Variants in DNAJC6 observed in about 807,000 individuals in gnomAD.
DNAJC6 encodes the protein auxilin.
In DNAJC6, 34 loss-of-function variants were observed where a neutral mutation model predicts 110.0. The observed-to-expected ratio is 0.31, with a 90% CI of 0.24 to 0.41. DNAJC6 has a LOEUF of 0.41. DNAJC6 is among the 10% of genes least tolerant of loss of function. The pLI, the probability that DNAJC6 is intolerant of heterozygous loss-of-function variation, is 1.00. For missense variants in DNAJC6, 1,031 were observed against 1,207.8 expected, an observed-to-expected ratio of 0.85 and a Z score of 2.17; for synonymous variants, 406 against 437.2, an observed-to-expected ratio of 0.93 and a Z score of 0.89.
chr1:65,373,882 C>G (rs1243093364), intron 4 of DNAJC6, among the ~76,000 whole-genome samples: 2 of 152,100 alleles, frequency 1.3e-5, no homozygotes, highest in Admixed American at 6.6e-5. Context: ...GAACATTTCT[C>G]TAATGTTTTC....
At chr1:65,369,247 G>C (rs1258778883) in intron 4 of DNAJC6, among the ~76,000 whole-genome samples, 1 of 152,146 alleles carries the variant, frequency 6.6e-6, no homozygotes, top group Non-Finnish European at 1.5e-5. Flanking sequence ...ACCCTTAGTT[G>C]CATCTTAGGG....
chr1:65,392,951 G>A, intron 12 of DNAJC6, 86 bp downstream of exon 12: 1 of 1,276,406 alleles, frequency 7.8e-7, no homozygotes, highest in Non-Finnish European at 1.0e-6. Context: ...TTCCTAATAA[G>A]CTAGACTTTT....
intron 1 of DNAJC6, among the ~76,000 whole-genome samples, chr1:65,342,825 T>C (rs1570872): frequency 0.72 from 109,500 of 152,130 alleles, 40,874 homozygotes; most frequent in African/African-American, 0.93. Context: ...GGTTTCTTGA[T>C]GGATTCAATT....
At chr1:65,348,342 T>C (rs1645457326) in intron 1 of DNAJC6, among the ~76,000 whole-genome samples, 1 of 152,242 alleles carries the variant, frequency 6.6e-6, no homozygotes, top group African/African-American at 2.4e-5. Context: ...GTAGTATTGT[T>C]GTTCAAATGT....
intron 1 of DNAJC6, among the ~76,000 whole-genome samples, chr1:65,351,128 G>C (rs908965557): frequency 6.6e-6 from 1 of 152,080 alleles, no homozygotes; most frequent in African/African-American, 2.4e-5. Flanking sequence ...ACAGCTCAGG[G>C]GACCACTATT....
At chr1:65,308,693 A>C (rs1436372865), upstream of DNAJC6, among the ~76,000 whole-genome samples, 1 of 152,180 alleles carries the variant, frequency 6.6e-6, no homozygotes, top group Non-Finnish European at 1.5e-5. Context: ...AGGATGGGGA[A>C]AAAAAATCCT....
rs529136414 is a variant in DNAJC6 at position 65,384,035 on chromosome 1, A to C, written c.667-158A>C. 7 of 792,472 alleles carry C rather than the reference A, an allele frequency of 8.8e-6. No individual in the cohort carries two copies. The African/African-American group carries it at 1.2e-4, about 14-fold the overall frequency. The allele number at this position is 792,472 out of a possible 1,614,324, so 49.1% of individuals were successfully genotyped here. The stretch of plus-strand genomic sequence containing the variant: ...TGCCTTTGATTTAAAAAGCTGAAAC[A>C]AATTTTGGTTTTCAAGTGAATAATT... On this transcript the variant is annotated intron_variant, in intron 5 of 18. Transcript: ENST00000371069.
chr1:65,308,020 C>T (rs575441415), upstream of DNAJC6, among the ~76,000 whole-genome samples: 87 of 152,304 alleles, frequency 5.7e-4, 1 homozygote, highest in Non-Finnish European at 9.6e-4. Context: ...CTGGTTGATG[C>T]TCTTCCTACA....
chr1:65,365,859 A>C (rs532180720), intron 2 of DNAJC6, 26 bp from the exon 3 acceptor site: 1 of 1,609,686 alleles, frequency 6.2e-7, no homozygotes, highest in African/African-American at 1.3e-5. Flanking sequence ...CATTTTAATG[A>C]GTGCCCATTT....
intron 1 of DNAJC6, among the ~76,000 whole-genome samples, chr1:65,362,274 A>C (rs1645605292): frequency 6.6e-6 from 1 of 152,208 alleles, no homozygotes; most frequent in Non-Finnish European, 1.5e-5. Context: ...TGCTATGAGG[A>C]TTAAATGACT....
At chr1:65,279,069 G>C in intron 1 of DNAJC6, 1 of 985,426 alleles carries the variant, frequency 1.0e-6, no homozygotes, top group Non-Finnish European at 1.2e-6. Context: ...GACTGCATAT[G>C]CTGAGAAAAA....
intron 1 of DNAJC6, among the ~76,000 whole-genome samples, chr1:65,271,320 C>T (rs985998403): frequency 6.6e-6 from 1 of 152,032 alleles, no homozygotes; most frequent in Non-Finnish European, 1.5e-5. Context: ...TTATTATTAA[C>T]CCCAGTCACA....
intron 1 of DNAJC6, among the ~76,000 whole-genome samples, chr1:65,323,007 A>G (rs1338948495): frequency 6.6e-6 from 1 of 152,250 alleles, no homozygotes; most frequent in Non-Finnish European, 1.5e-5. Flanking sequence ...ACCATTGTTA[A>G]CATTTAGGAT....
intron 1 of DNAJC6, among the ~76,000 whole-genome samples, chr1:65,297,244 C>A (rs1223614220): frequency 6.6e-6 from 1 of 152,054 alleles, no homozygotes; most frequent in African/African-American, 2.4e-5. Flanking sequence ...AGGGCTGAGT[C>A]TTGAGGGAAA....
chr1:65,383,579 T>G (rs1570355662), intron 5 of DNAJC6, among the ~76,000 whole-genome samples: 1 of 152,154 alleles, frequency 6.6e-6, no homozygotes, highest in Admixed American at 6.5e-5. Context: ...TTGTCTGTTC[T>G]TATAAGGGCA....
intron 1 of DNAJC6, among the ~76,000 whole-genome samples, chr1:65,321,610 G>A (rs576922938): frequency 1.4e-4 from 22 of 152,194 alleles, no homozygotes; most frequent in Admixed American, 9.8e-4. Flanking sequence ...CACAGGCATC[G>A]CCTCTCCCAT....
intron 4 of DNAJC6, 128 bp downstream of exon 4, chr1:65,366,324 G>C: frequency 1.0e-6 from 1 of 998,106 alleles, no homozygotes; most frequent in Non-Finnish European, 1.5e-6. Context: ...GGACACTTCT[G>C]TTCACAAAAT....
At chr1:65,340,972 T>C (rs533956676) in intron 1 of DNAJC6, among the ~76,000 whole-genome samples, 1 of 152,322 alleles carries the variant, frequency 6.6e-6, no homozygotes, top group African/African-American at 2.4e-5. Flanking sequence ...GCCTGGTACC[T>C]AGGCTGACAT....
chr1:65,363,908 C>G (rs1645621038), intron 1 of DNAJC6, among the ~76,000 whole-genome samples: 1 of 152,102 alleles, frequency 6.6e-6, no homozygotes, highest in Non-Finnish European at 1.5e-5. Context: ...GCCATGCATC[C>G]TAAGGCCTAA....
Sources: allele counts gnomAD v4.1 joint callset (sites outside exome capture counted in the v4.1 genomes callset), GRCh38; gene constraint gnomAD v4.1.1; transcripts MANE v1.5; gene names NCBI Gene and HGNC (gene_info 2026-07-23, HGNC 2026-07-21).